FBXO9: variants seen among roughly 807,000 people sequenced by gnomAD.
FBXO9 encodes the protein F-box protein 9, also known as F-box only protein 9.
A neutral mutation model predicts 63.7 loss-of-function variants in FBXO9; 43 were observed. That is an observed-to-expected ratio of 0.67 (90% CI 0.53 to 0.87). FBXO9 has a LOEUF of 0.87. Ranked by LOEUF, FBXO9 falls within the 40% of genes least tolerant of loss-of-function variation. The probability of loss-of-function intolerance (pLI) is 0.00; values close to 1 mark genes in which losing one functional copy is unlikely to be tolerated. For missense variants in FBXO9, 442 were observed against 533.2 expected (o/e 0.83, Z 1.68); for synonymous variants, 156 against 171.7 (o/e 0.91, Z 0.72).
chr6:53,092,082 A>G (rs1763054859), intron 7 of FBXO9: 2 of 215,108 alleles, frequency 9.3e-6, no homozygotes, highest in South Asian at 1.4e-4. Context: ...GGCCTTGCAC[A>G]TGCTCTGGTT....
rs1451200458 is a variant in FBXO9, at chr6:53,097,717, T to TA, written c.1206-4dup. 2 of 1,575,502 alleles carry TA rather than the reference T, an allele frequency of 1.3e-6. No individual in the cohort carries two copies. Among genetic ancestry groups the TA allele is most frequent in the Non-Finnish European group, 1.7e-6 (2 of 1,155,450 alleles). On this transcript the variant is annotated splice_polypyrimidine_tract_variant and splice_region_variant and intron_variant, in intron 12 of 12. Coordinates refer to ENST00000323557, the MANE Select transcript of FBXO9 (RefSeq NM_033480.3). ...TACTAGTAATTTTGTGCTTTTTTTT[T>TA]ACAGATCAACTGGTGAGACTGCAGT...
At position 53,065,549 on chromosome 6, in the gene FBXO9, C is replaced by T. The variant is rs1284467403; in HGVS notation, c.-241C>T. 4 of 411,756 alleles carry T rather than the reference C, an allele frequency of 9.7e-6. No homozygotes were observed. The highest frequency in any genetic ancestry group is 1.7e-5 in the Non-Finnish European group (4 of 237,678). The allele number at this position is 411,756 out of a possible 1,614,324, so 25.5% of individuals were successfully genotyped here. On this transcript the variant is annotated 5_prime_UTR_variant, in exon 1 of 13. Transcript: ENST00000323557. ...GGCGTCCCTCCACTCCCCGAGTCCC[C>T]GGCAGCCGCCGCCACCCCAGCGCGC...
At chr6:53,068,742 T>G (rs190035590) in intron 1 of FBXO9, among the ~76,000 whole-genome samples, 304 of 150,886 alleles carry the variant, frequency 2.0e-3, no homozygotes, top group African/African-American at 7.1e-3. Flanking sequence ...AACCTGCATC[T>G]CCCAGGCTCA....
At chr6:53,078,118 C>T (rs1296256043) in intron 4 of FBXO9, among the ~76,000 whole-genome samples, 1 of 152,114 alleles carries the variant, frequency 6.6e-6, no homozygotes, top group Non-Finnish European at 1.5e-5. Flanking sequence ...CAGTAGGAAG[C>T]ATTTAATTTT....
chr6:53,087,488 C>G (rs1762926880), intron 7 of FBXO9, among the ~76,000 whole-genome samples: 1 of 152,080 alleles, frequency 6.6e-6, no homozygotes, highest in East Asian at 1.9e-4. Flanking sequence ...AAGATACACT[C>G]TTTCAAGGGG....
chr6:53,071,426 C>T (rs1308562662), intron 2 of FBXO9, among the ~76,000 whole-genome samples: 1 of 152,072 alleles, frequency 6.6e-6, no homozygotes, highest in Non-Finnish European at 1.5e-5. Context: ...GTTTGACCAC[C>T]TAAAAGTTTA....
At chr6:53,085,226 G>C (rs1245904132) in intron 7 of FBXO9, among the ~76,000 whole-genome samples, 1 of 152,054 alleles carries the variant, frequency 6.6e-6, no homozygotes, top group Non-Finnish European at 1.5e-5. Context: ...TTTTTATTAT[G>C]CTTGATCTTT....
intron 3 of FBXO9, among the ~76,000 whole-genome samples, chr6:53,074,482 T>C (rs895428086): frequency 7.9e-5 from 12 of 152,260 alleles, no homozygotes; most frequent in Non-Finnish European, 1.5e-4. Context: ...CACAGTTTAC[T>C]TGGATTTCCT....
At chr6:53,093,606 A>G in intron 10 of FBXO9, 45 bp downstream of exon 10, 1 of 1,414,192 alleles carries the variant, frequency 7.1e-7, no homozygotes, top group Non-Finnish European at 9.9e-7. Flanking sequence ...TCTATGTTTT[A>G]TATGGTTCCT....
chr6:53,083,162 A>G (rs1769367862), intron 7 of FBXO9, among the ~76,000 whole-genome samples: 1 of 152,256 alleles, frequency 6.6e-6, no homozygotes, highest in Non-Finnish European at 1.5e-5. Context: ...AAAGACTTAA[A>G]TGTAAAACCT....
At chr6:53,081,133 ATATCT>A (rs1176900865) in intron 6 of FBXO9, 35 bp downstream of exon 6, 15 of 1,589,078 alleles carry the variant, frequency 9.4e-6, no homozygotes, top group Admixed American at 1.8e-5. Context: ...TCAGTGAGAA[ATATCT>A]TAACCTTAAA....
chr6:53,078,290 C>T (rs1454209052), intron 4 of FBXO9, among the ~76,000 whole-genome samples: 1 of 151,982 alleles, frequency 6.6e-6, no homozygotes, highest in Non-Finnish European at 1.5e-5. Flanking sequence ...GTTGTCTCTA[C>T]AAAAAATTTA....
chr6:53,071,140 G>T lies in FBXO9; in HGVS notation c.87G>T (p.Leu29=), dbSNP rs370453561. Reference sequence around the variant, plus strand: ...ATGAAAGTCCTGCTGAAACAGATCTGCAGGCATGTTTCTTCAATTGTGTCT... The same window carrying T: ...ATGAAAGTCCTGCTGAAACAGATCTTCAGGCATGTTTCTTCAATTGTGTCT... ...EENESPAETD[L]QAQLQMFRAQ... Residue 29 remains leucine (L), a synonymous_variant, in exon 2 of 13, where the codon CTG becomes CTT. Coordinates refer to ENST00000323557, the MANE Select transcript of FBXO9 (RefSeq NM_033480.3). The T allele has an allele frequency of 4.4e-4, 691 of 1,555,554 alleles. No individual in the cohort carries two copies. The highest frequency in any genetic ancestry group is 5.8e-4 in the Non-Finnish European group (664 of 1,148,042).
chr6:53,081,509 G>C lies in FBXO9; in HGVS notation c.538+411G>C, dbSNP rs141165326. On this transcript the variant is annotated intron_variant, in intron 6 of 12. Coordinates refer to ENST00000323557, the MANE Select transcript of FBXO9 (RefSeq NM_033480.3). The stretch of plus-strand genomic sequence containing the variant: ...GCTGGTCTCGAACTCCTGACTTCAT[G>C]ATCTGCCCACCTTGGCCTCCCAAAG... 5.1e-3 allele frequency among the ~76,000 whole-genome samples: 774 copies of C among 152,288 alleles called. 9 individuals are homozygous for C. The highest frequency in any genetic ancestry group is 7.5e-3 in the Non-Finnish European group (513 of 68,030).
At chr6:53,073,767 A>C in intron 3 of FBXO9, 128 bp downstream of exon 3, 1 of 768,232 alleles carries the variant, frequency 1.3e-6, no homozygotes, top group Non-Finnish European at 2.0e-6. Flanking sequence ...GTAAAATAAA[A>C]ATTTTGACTA....
rs1321465496 is a variant in FBXO9 at position 53,099,822 on chromosome 6, CA to C, written c.*1994del. The C allele has an allele frequency of 6.6e-6, 1 of 152,160 alleles. No individual in the cohort carries two copies. The highest frequency in any genetic ancestry group is 2.4e-5 in the African/African-American group (1 of 41,446). The allele number at this position is 152,160 out of a possible 1,614,324, so 9.4% of individuals were successfully genotyped here. A position where few individuals can be genotyped will look rare whatever the true frequency, so the allele number is the denominator to read the frequency against. On this transcript the variant is annotated 3_prime_UTR_variant, in exon 13 of 13. Transcript: ENST00000323557. ...TCAAGTTGGAAAGGAAGGAGAAAAG[CA>C]ACTTGCCTAAGATAAGGTAGCTCTT...
intron 7 of FBXO9, among the ~76,000 whole-genome samples, chr6:53,084,319 A>G (rs1443010388): frequency 2.6e-5 from 4 of 152,220 alleles, no homozygotes; most frequent in Admixed American, 2.0e-4. Flanking sequence ...ATCTAGGTAC[A>G]GCATGTAGTA....
chr6:53,095,447 A>T, intron 11 of FBXO9, 66 bp from the exon 12 acceptor site: 1 of 1,418,584 alleles, frequency 7.0e-7, no homozygotes, highest in Non-Finnish European at 9.5e-7. Flanking sequence ...ACTGTTGCAT[A>T]CTATTTCTGT....
chr6:53,065,903 C>T, intron 1 of FBXO9, 111 bp downstream of exon 1: 1 of 1,214,180 alleles, frequency 8.2e-7, no homozygotes, highest in Non-Finnish European at 1.0e-6. Context: ...GGAGTGGGAG[C>T]TTCACGGCTG....
Sources: allele counts gnomAD v4.1 joint callset (sites outside exome capture counted in the v4.1 genomes callset), GRCh38; gene constraint gnomAD v4.1.1; transcripts MANE v1.5; gene names NCBI Gene and HGNC (gene_info 2026-07-23, HGNC 2026-07-21).